The following MDGA2 variants were observed in gnomAD, a reference collection of about 807,000 sequenced individuals.
MDGA2 encodes MAM domain containing glycosylphosphatidylinositol anchor 2.
In MDGA2, 40 loss-of-function variants were observed where a neutral mutation model predicts 117.8. The ratio of observed to expected loss-of-function variants is 0.34; its 90% CI spans 0.26 to 0.44. The LOEUF is 0.44. MDGA2 is among the 20% of genes least tolerant of loss of function. The pLI is 1.00. For synonymous variants in MDGA2, 452 were observed against 439.0 expected (o/e 1.03, Z -0.37); for missense variants, 1,123 against 1,250.6 (o/e 0.90, Z 1.54).
chr14:47,257,348 G>T (rs766672113), intron 2 of MDGA2, among the ~76,000 whole-genome samples: 1 of 151,850 alleles, frequency 6.6e-6, no homozygotes, highest in African/African-American at 2.4e-5. Context: ...GTTTTGCCTC[G>T]GATATTTACA....
chr14:47,149,746 C>T (rs1883091495), intron 3 of MDGA2, among the ~76,000 whole-genome samples: 1 of 152,176 alleles, frequency 6.6e-6, no homozygotes, highest in Admixed American at 6.5e-5. Flanking sequence ...CTATTTCCTG[C>T]TGTCCTTGTC....
intron 1 of MDGA2, among the ~76,000 whole-genome samples, chr14:47,517,066 A>G (rs551946760): frequency 6.6e-6 from 1 of 152,282 alleles, no homozygotes; most frequent in South Asian, 2.1e-4. Context: ...TTATTAACAA[A>G]TAGTTTATAT....
intron 5 of MDGA2, among the ~76,000 whole-genome samples, chr14:47,114,197 A>G (rs1881199367): frequency 6.6e-6 from 1 of 151,684 alleles, no homozygotes; most frequent in African/African-American, 2.4e-5. Flanking sequence ...ATAAAATACC[A>G]AAGGAATACA....
intron 1 of MDGA2, among the ~76,000 whole-genome samples, chr14:47,429,239 C>T (rs948702225): frequency 6.6e-6 from 1 of 151,510 alleles, no homozygotes; most frequent in African/African-American, 2.4e-5. Context: ...AAAAGACAAA[C>T]AAACCCCTAA....
intron 2 of MDGA2, among the ~76,000 whole-genome samples, chr14:47,298,375 C>T (rs772618020): frequency 9.2e-5 from 14 of 152,088 alleles, no homozygotes; most frequent in Non-Finnish European, 1.6e-4. Context: ...ATGCTGTTTA[C>T]AATACTTTTG....
At chr14:47,150,019 A>G (rs571210206) in intron 3 of MDGA2, among the ~76,000 whole-genome samples, 4 of 152,290 alleles carry the variant, frequency 2.6e-5, no homozygotes, top group African/African-American at 4.8e-5. Flanking sequence ...TTGACCCTAT[A>G]TGGATCTGGT....
chr14:47,613,416 G>A (rs1196717699), intron 1 of MDGA2, among the ~76,000 whole-genome samples: 1 of 151,480 alleles, frequency 6.6e-6, no homozygotes. Flanking sequence ...TTTTGGGGAG[G>A]AAGTTCTGAA....
chr14:47,125,968 A>G (rs778465303), intron 5 of MDGA2, among the ~76,000 whole-genome samples: 4 of 152,100 alleles, frequency 2.6e-5, no homozygotes, highest in Non-Finnish European at 5.9e-5. Flanking sequence ...TTGTTTTATC[A>G]TAATTTCTAT....
At chr14:46,926,942 CAT>C (rs1884356342) in intron 9 of MDGA2, among the ~76,000 whole-genome samples, 1 of 152,082 alleles carries the variant, frequency 6.6e-6, no homozygotes, top group Non-Finnish European at 1.5e-5. Flanking sequence ...TGCTGATCAA[CAT>C]GTGTCTTCTG....
intron 1 of MDGA2, among the ~76,000 whole-genome samples, chr14:47,421,984 G>A (rs944520013): frequency 6.6e-6 from 1 of 150,410 alleles, no homozygotes; most frequent in Non-Finnish European, 1.5e-5. Context: ...ATAAAGTATT[G>A]TACAAAGTTA....
At chr14:47,044,238 ACT>A (rs1201991718) in intron 7 of MDGA2, among the ~76,000 whole-genome samples, 3 of 152,028 alleles carry the variant, frequency 2.0e-5, no homozygotes, top group Middle Eastern at 3.4e-3. Context: ...TCATATATGA[ACT>A]CTTTTATTTT....
chr14:46,994,135 C>CTTATTCAAGTA (rs1487411137), intron 8 of MDGA2, among the ~76,000 whole-genome samples: 2 of 152,126 alleles, frequency 1.3e-5, no homozygotes, highest in Non-Finnish European at 2.9e-5. Flanking sequence ...ATAAGTTTTA[C>CTTATTCAAGTA]TTGTTGGCAA....
intron 8 of MDGA2, among the ~76,000 whole-genome samples, chr14:47,011,697 T>A (rs1887900828): frequency 6.6e-6 from 1 of 152,026 alleles, no homozygotes; most frequent in African/African-American, 2.4e-5. Flanking sequence ...CTGCTTCTTA[T>A]ATATACAGGT....
intron 1 of MDGA2, among the ~76,000 whole-genome samples, chr14:47,441,185 C>T (rs1189712724): frequency 1.3e-5 from 2 of 152,024 alleles, no homozygotes; most frequent in African/African-American, 2.4e-5. Context: ...CTTTAATAGG[C>T]AAGATTTGAT....
intron 1 of MDGA2, among the ~76,000 whole-genome samples, chr14:47,599,422 C>T (rs1896605652): frequency 1.3e-5 from 2 of 151,864 alleles, no homozygotes; most frequent in Admixed American, 1.3e-4. Flanking sequence ...AAAGCACTTA[C>T]ACACAGCTAT....
At chr14:47,115,089 TA>T (rs1881255075) in intron 5 of MDGA2, among the ~76,000 whole-genome samples, 1 of 151,988 alleles carries the variant, frequency 6.6e-6, no homozygotes, top group South Asian at 2.1e-4. Flanking sequence ...TTCTGCTGAA[TA>T]CACTCTAGAC....
chr14:47,319,964 A>C (rs1889930999), intron 1 of MDGA2, among the ~76,000 whole-genome samples: 1 of 152,150 alleles, frequency 6.6e-6, no homozygotes, highest in Non-Finnish European at 1.5e-5. Flanking sequence ...TAAGGGGGAA[A>C]TTTGGACACA....
intron 1 of MDGA2, among the ~76,000 whole-genome samples, chr14:47,439,406 C>T (rs543502708): frequency 6.6e-6 from 1 of 151,972 alleles, no homozygotes; most frequent in Non-Finnish European, 1.5e-5. Context: ...TCATTTATCA[C>T]AAAATGTGCA....
At chr14:47,407,394 G>A (rs951698257) in intron 1 of MDGA2, among the ~76,000 whole-genome samples, 4 of 152,020 alleles carry the variant, frequency 2.6e-5, no homozygotes, top group African/African-American at 2.4e-5. Flanking sequence ...TAATAATGCA[G>A]TAATCATTAT....
Sources: allele counts gnomAD v4.1 joint callset (sites outside exome capture counted in the v4.1 genomes callset), GRCh38; gene constraint gnomAD v4.1.1; transcripts MANE v1.5; gene names NCBI Gene and HGNC (gene_info 2026-07-23, HGNC 2026-07-21).